The following ROBO2 variants were observed in gnomAD, a reference collection of about 807,000 sequenced individuals.
The protein encoded by ROBO2 is roundabout homolog 2.
ROBO2 carries 53 observed loss-of-function variants against 160.8 expected under a neutral mutation model. The observed-to-expected ratio is 0.33, with a 90% CI of 0.26 to 0.41. The LOEUF is 0.41. Among genes scored for constraint, ROBO2 ranks in the 10% least tolerant of loss-of-function variants. The pLI, the probability that ROBO2 is intolerant of heterozygous loss-of-function variation, is 1.00. For synonymous variants in ROBO2, 664 were observed against 611.7 expected, an observed-to-expected ratio of 1.09 and a Z score of -1.26; for missense variants, 1,577 against 1,722.4, an observed-to-expected ratio of 0.92 and a Z score of 1.49.
intron 2 of ROBO2, among the ~76,000 whole-genome samples, chr3:76,616,484 G>A (rs1305677640): frequency 6.6e-6 from 1 of 152,178 alleles, no homozygotes; most frequent in Non-Finnish European, 1.5e-5. Flanking sequence ...CTTCCATGAT[G>A]TGTTATTAGC....
At chr3:77,070,756 T>G (rs2149833927) in intron 1 of ROBO2, among the ~76,000 whole-genome samples, 1 of 152,128 alleles carries the variant, frequency 6.6e-6, no homozygotes, top group African/African-American at 2.4e-5. Context: ...TCTTGGCAGG[T>G]TTTAAGCTGA....
chr3:76,422,500 C>T (rs1235711669), intron 2 of ROBO2, among the ~76,000 whole-genome samples: 1 of 152,194 alleles, frequency 6.6e-6, no homozygotes, highest in African/African-American at 2.4e-5. Flanking sequence ...AGATTAAAAA[C>T]TACTTGCGTG....
intron 2 of ROBO2, among the ~76,000 whole-genome samples, chr3:77,204,950 C>T (rs895614104): frequency 6.6e-6 from 1 of 152,178 alleles, no homozygotes; most frequent in African/African-American, 2.4e-5. Flanking sequence ...TCAGTTGCTG[C>T]GGCTGCTCAG....
intron 2 of ROBO2, among the ~76,000 whole-genome samples, chr3:76,350,098 CTG>C (rs1322600930): frequency 6.6e-6 from 1 of 152,038 alleles, no homozygotes; most frequent in East Asian, 1.9e-4. Context: ...GTATTAAGGA[CTG>C]TCTCCCAATA....
At chr3:76,421,827 T>G (rs1195726649) in intron 2 of ROBO2, among the ~76,000 whole-genome samples, 6 of 152,220 alleles carry the variant, frequency 3.9e-5, no homozygotes, top group Non-Finnish European at 7.3e-5. Flanking sequence ...AAAGAAATTT[T>G]TGGCATGGTT....
At chr3:76,169,325 G>T (rs775830390) in intron 2 of ROBO2, among the ~76,000 whole-genome samples, 1 of 152,138 alleles carries the variant, frequency 6.6e-6, no homozygotes, top group Non-Finnish European at 1.5e-5. Flanking sequence ...AAAATTGGCA[G>T]ATGAATTTCC....
intron 1 of ROBO2, among the ~76,000 whole-genome samples, chr3:75,924,878 C>T (rs1414262719): frequency 2.6e-5 from 4 of 150,996 alleles, no homozygotes; most frequent in African/African-American, 4.8e-5. Flanking sequence ...TTAGTAGAGA[C>T]GGGGTTTCAC....
intron 2 of ROBO2, among the ~76,000 whole-genome samples, chr3:76,975,082 C>T (rs2149300380): frequency 6.6e-6 from 1 of 152,176 alleles, no homozygotes; most frequent in Admixed American, 6.5e-5. Flanking sequence ...GTGTGAAAAA[C>T]AGTAATATTT....
At chr3:76,086,282 G>A (rs540684935) in intron 2 of ROBO2, among the ~76,000 whole-genome samples, 43 of 152,224 alleles carry the variant, frequency 2.8e-4, no homozygotes, top group Admixed American at 7.9e-4. Context: ...CCAGATCTCA[G>A]GAGAATTCGC....
At chr3:76,945,936 GA>G (rs769838604) in intron 2 of ROBO2, among the ~76,000 whole-genome samples, 1 of 152,008 alleles carries the variant, frequency 6.6e-6, no homozygotes, top group Non-Finnish European at 1.5e-5. Flanking sequence ...GGATTTTTTG[GA>G]ACTCATTATG....
intron 21 of ROBO2, among the ~76,000 whole-genome samples, chr3:77,608,679 C>CA (rs2094570248): frequency 1.3e-5 from 2 of 152,098 alleles, no homozygotes; most frequent in Admixed American, 1.3e-4. Context: ...GTCAAAAAAT[C>CA]ATACTGTTTC....
At chr3:76,439,848 G>GT (rs1308176676) in intron 2 of ROBO2, among the ~76,000 whole-genome samples, 1 of 152,178 alleles carries the variant, frequency 6.6e-6, no homozygotes, top group Non-Finnish European at 1.5e-5. Context: ...TTGAGGGGAT[G>GT]TAGTCTTCAC....
intron 2 of ROBO2, among the ~76,000 whole-genome samples, chr3:77,027,715 T>C (rs1578353760): frequency 1.3e-5 from 2 of 152,248 alleles, no homozygotes; most frequent in African/African-American, 4.8e-5. Flanking sequence ...TTCAGAACTC[T>C]AGTAAGGGTG....
chr3:77,146,059 C>G (rs1257598511), intron 2 of ROBO2, among the ~76,000 whole-genome samples: 1 of 152,178 alleles, frequency 6.6e-6, no homozygotes, highest in Non-Finnish European at 1.5e-5. Context: ...CTACAAGCTA[C>G]AAACTCCCAG....
chr3:77,541,398 C>G (rs560187728), intron 6 of ROBO2, among the ~76,000 whole-genome samples: 4 of 152,186 alleles, frequency 2.6e-5, no homozygotes, highest in Admixed American at 6.5e-5. Flanking sequence ...ATTAGCATAA[C>G]AGAGCTGCAG....
At chr3:76,555,362 AGAAGAAGAAGAAGAAGAAGAAG>A (rs761891929) in intron 2 of ROBO2, among the ~76,000 whole-genome samples, 727 of 50,526 alleles carry the variant, frequency 0.014, 9 homozygotes, top group Non-Finnish European at 0.021. Flanking sequence ...GGAAGAGAGA[AGAAGAAGAAGAAGAAGAAGAAG>A]AAGAAGAAGA....
intron 2 of ROBO2, among the ~76,000 whole-genome samples, chr3:76,928,244 T>C (rs1382077162): frequency 6.6e-6 from 1 of 152,100 alleles, no homozygotes; most frequent in African/African-American, 2.4e-5. Context: ...GGGAGTGGAC[T>C]CTAGAAGTCA....
intron 2 of ROBO2, among the ~76,000 whole-genome samples, chr3:76,848,814 C>T (rs552762757): frequency 6.6e-6 from 1 of 152,150 alleles, no homozygotes; most frequent in Non-Finnish European, 1.5e-5. Flanking sequence ...AATAGACTAA[C>T]ATTGGTGGTT....
intron 2 of ROBO2, among the ~76,000 whole-genome samples, chr3:76,213,080 T>G (rs1048220893): frequency 2.0e-5 from 3 of 152,088 alleles, no homozygotes; most frequent in Non-Finnish European, 4.4e-5. Context: ...GACAAGAAAT[T>G]TTTGGTTCTC....
Sources: gnomAD v4.1 joint callset for allele counts (sites outside exome capture counted in the v4.1 genomes callset) on GRCh38, gnomAD v4.1.1 for gene constraint, MANE v1.5 for transcripts, NCBI Gene and HGNC (gene_info 2026-07-23, HGNC 2026-07-21) for gene names.